The following SCFD2 variants were observed in gnomAD, a reference collection of about 807,000 sequenced individuals.
SCFD2 encodes sec1 family domain containing 2, also known as sec1 family domain-containing protein 2.
A neutral mutation model predicts 58.9 loss-of-function variants in SCFD2; 54 were observed. The ratio of observed to expected loss-of-function variants is 0.92; its 90% confidence interval spans 0.74 to 1.15. SCFD2 has a LOEUF of 1.15. SCFD2 is among the 50% of genes most tolerant of loss of function. SCFD2 has a pLI of 0.00. For missense variants in SCFD2, 805 were observed against 836.6 expected (o/e 0.96, Z 0.47); for synonymous variants, 321 against 335.9 (o/e 0.96, Z 0.49).
intron 1 of SCFD2, among the ~76,000 whole-genome samples, chr4:53,355,367 T>C (rs572077720): frequency 6.6e-6 from 1 of 152,316 alleles, no homozygotes; most frequent in South Asian, 2.1e-4. Flanking sequence ...AAGATAGACA[T>C]GTTAACTTAT....
chr4:52,962,700 A>G (rs1406913569), intron 5 of SCFD2, among the ~76,000 whole-genome samples: 2 of 152,204 alleles, frequency 1.3e-5, no homozygotes, highest in Non-Finnish European at 2.9e-5. Context: ...GAAACAGGCT[A>G]AGAAAGTAGA....
At chr4:52,887,968 T>C (rs1486922794) in intron 7 of SCFD2, among the ~76,000 whole-genome samples, 2 of 136,482 alleles carry the variant, frequency 1.5e-5, no homozygotes, top group Admixed American at 8.0e-5. Context: ...CGGACTGCAG[T>C]GGTGCGATCT....
At position 53,090,874 on chromosome 4, in the gene SCFD2, AT is replaced by A. The variant is rs571526588; in HGVS notation, c.1561+54458del. On this transcript the variant is annotated intron_variant, in intron 5 of 8. Transcript: ENST00000401642. ...TGGGATAAGCACTATCATCATTCCC[AT>A]TTTACAGAGGAGACAATTGAAGTTT... Among the ~76,000 whole-genome samples, 8 of 152,204 alleles carry A rather than the reference AT, an allele frequency of 5.3e-5. No homozygotes were observed. The South Asian group carries it at 1.7e-3, about 32-fold the overall frequency.
chr4:53,170,855 A>T (rs1486795883), intron 4 of SCFD2, among the ~76,000 whole-genome samples: 1 of 151,982 alleles, frequency 6.6e-6, no homozygotes, highest in Non-Finnish European at 1.5e-5. Context: ...TAGAAATGCT[A>T]CTCATTTTTC....
At chr4:53,227,064 G>T (rs1729240362) in intron 4 of SCFD2, among the ~76,000 whole-genome samples, 1 of 152,128 alleles carries the variant, frequency 6.6e-6, no homozygotes, top group South Asian at 2.1e-4. Flanking sequence ...AGAAGATGGA[G>T]CATGTGGCTG....
At chr4:53,194,329 T>C (rs1231293004) in intron 4 of SCFD2, among the ~76,000 whole-genome samples, 2 of 152,204 alleles carry the variant, frequency 1.3e-5, no homozygotes, top group Non-Finnish European at 2.9e-5. Context: ...TGAGATTCTC[T>C]TTCTTTTGGT....
chr4:53,003,301 C>T (rs758343774), intron 5 of SCFD2, among the ~76,000 whole-genome samples: 1 of 152,162 alleles, frequency 6.6e-6, no homozygotes, highest in Non-Finnish European at 1.5e-5. Flanking sequence ...ATCAGACTTA[C>T]GTTTTAGAGC....
rs532730038 is a variant in SCFD2 at position 53,184,584 on chromosome 4, G to T, written c.1312-39002C>A. On this transcript the variant is annotated intron_variant, in intron 4 of 8. Coordinates refer to ENST00000401642, the MANE Select transcript of SCFD2 (RefSeq NM_152540.4). ...TTGCTTATATCTACTGTATTTTAGGGTCCATTTATTAGAAAAGCATAAGAT... is the reference window on the plus strand; with the variant it reads ...TTGCTTATATCTACTGTATTTTAGGTTCCATTTATTAGAAAAGCATAAGAT... Among the ~76,000 whole-genome samples, 4 of 152,116 alleles carry T rather than the reference G, an allele frequency of 2.6e-5. No individual in the cohort carries two copies. The East Asian group carries it at 7.7e-4, about 29-fold the overall frequency.
At chr4:52,889,853 T>C (rs1161742308) in intron 7 of SCFD2, among the ~76,000 whole-genome samples, 2 of 152,184 alleles carry the variant, frequency 1.3e-5, no homozygotes, top group African/African-American at 4.8e-5. Flanking sequence ...TACTCAACCA[T>C]ACACCTTGGG....
intron 2 of SCFD2, among the ~76,000 whole-genome samples, chr4:53,322,677 A>C (rs370940293): frequency 1.3e-5 from 2 of 152,236 alleles, no homozygotes; most frequent in African/African-American, 4.8e-5. Flanking sequence ...CAGTATGAGG[A>C]TTTTAAATCA....
intron 4 of SCFD2, among the ~76,000 whole-genome samples, chr4:53,162,915 G>A (rs1040731875): frequency 6.6e-6 from 1 of 152,116 alleles, no homozygotes; most frequent in Admixed American, 6.5e-5. Flanking sequence ...CTGTAGAAAT[G>A]AGGGCAGTTA....
intron 5 of SCFD2, among the ~76,000 whole-genome samples, chr4:53,108,255 C>T (rs1193526924): frequency 2.0e-5 from 3 of 152,014 alleles, no homozygotes; most frequent in African/African-American, 7.2e-5. Context: ...CACTATATGC[C>T]CACAGGAGAA....
At chr4:53,274,960 A>C (rs1210063585) in intron 3 of SCFD2, among the ~76,000 whole-genome samples, 3 of 152,162 alleles carry the variant, frequency 2.0e-5, no homozygotes, top group Non-Finnish European at 1.5e-5. Context: ...ATCCAAGTTT[A>C]TTTGCTTGTT....
intron 5 of SCFD2, among the ~76,000 whole-genome samples, chr4:53,007,712 T>C (rs1241667277): frequency 6.6e-6 from 1 of 152,242 alleles, no homozygotes; most frequent in African/African-American, 2.4e-5. Context: ...TGATAACTGC[T>C]AATTGTCTGC....
rs1406244146 is a variant in SCFD2 at position 53,343,775 on chromosome 4, T to C, written c.1007+8823A>G. Among the ~76,000 whole-genome samples the C allele has an allele frequency of 2.6e-5, 4 of 152,110 alleles. No homozygotes were observed. The South Asian group carries it at 6.2e-4, about 24-fold the overall frequency. ...CCACCATCATCAAGTGGGCTTCATC[T>C]CTGGGATGCAAGGCTGGTTCAACAT... On this transcript the variant is annotated intron_variant, in intron 2 of 8. Coordinates refer to ENST00000401642, the MANE Select transcript of SCFD2 (RefSeq NM_152540.4).
chr4:53,107,791 C>A (rs1486859562), intron 5 of SCFD2, among the ~76,000 whole-genome samples: 1 of 152,054 alleles, frequency 6.6e-6, no homozygotes, highest in Non-Finnish European at 1.5e-5. Context: ...ACTTTAACAC[C>A]CCACTGTCAA....
chr4:53,164,378 A>G (rs1726942121), intron 4 of SCFD2, among the ~76,000 whole-genome samples: 2 of 152,262 alleles, frequency 1.3e-5, no homozygotes, highest in East Asian at 3.9e-4. Context: ...ACATGGTTAC[A>G]TCACACCCAT....
intron 4 of SCFD2, among the ~76,000 whole-genome samples, chr4:53,155,365 C>T (rs1045785404): frequency 4.6e-5 from 7 of 152,194 alleles, no homozygotes; most frequent in African/African-American, 1.4e-4. Flanking sequence ...CCCTCTCTTG[C>T]TCTCTCAACC....
At chr4:52,990,502 G>T (rs891836170) in intron 5 of SCFD2, among the ~76,000 whole-genome samples, 2 of 152,212 alleles carry the variant, frequency 1.3e-5, no homozygotes, top group Non-Finnish European at 2.9e-5. Context: ...AGCTGAGGCT[G>T]CTTGCAAAGC....
Sources: allele counts gnomAD v4.1 joint callset (sites outside exome capture counted in the v4.1 genomes callset), GRCh38; gene constraint gnomAD v4.1.1; transcripts MANE v1.5; gene names NCBI Gene and HGNC (gene_info 2026-07-23, HGNC 2026-07-21).